KCNQ1: variants seen among roughly 807,000 people sequenced by gnomAD.
KCNQ1 encodes the protein potassium voltage-gated channel subfamily KQT member 1.
A neutral mutation model predicts 72.4 loss-of-function variants in KCNQ1; 49 were observed. The observed-to-expected ratio is 0.68, with a 90% CI of 0.54 to 0.86. KCNQ1 has a LOEUF of 0.86. Among genes scored for constraint, KCNQ1 ranks in the 40% least tolerant of loss-of-function variants. The probability of loss-of-function intolerance (pLI) is 0.00; values close to 1 mark genes in which losing one functional copy is unlikely to be tolerated. For missense variants in KCNQ1, 790 were observed against 945.1 expected (o/e 0.84, Z 2.15); for synonymous variants, 450 against 412.6 (o/e 1.09, Z -1.10).
At chr11:2,648,897 T>C in intron 10 of KCNQ1, 1 of 398,408 alleles carries the variant, frequency 2.5e-6, no homozygotes, top group Admixed American at 4.4e-5. Context: ...GTGTTGTTGG[T>C]TGCATATATA....
At chr11:2,619,753 T>C (rs1849133600) in intron 10 of KCNQ1, 1 of 398,350 alleles carries the variant, frequency 2.5e-6, no homozygotes, top group South Asian at 1.3e-4. Flanking sequence ...CTGCATTTTT[T>C]TGGAAGAGTT....
chr11:2,818,941 C>T lies in KCNQ1; in HGVS notation c.1795-28826C>T, dbSNP rs1847677814. 6.6e-6 allele frequency among the ~76,000 whole-genome samples: 1 copy of T among 152,126 alleles called. No individual in the cohort carries two copies. The highest frequency in any genetic ancestry group is 2.4e-5 in the African/African-American group (1 of 41,416). ...GGCAGGTGGCACAAGAGGTTCATCCCACCCTCCAGCATTACCCAGCCCCAC... is the reference window on the plus strand; with the variant it reads ...GGCAGGTGGCACAAGAGGTTCATCCTACCCTCCAGCATTACCCAGCCCCAC... On this transcript the variant is annotated intron_variant, in intron 15 of 15. Coordinates refer to ENST00000155840, the MANE Select transcript of KCNQ1 (RefSeq NM_000218.3). The surrounding 1 kb of genome is among the most constrained non-coding windows in gnomAD (Gnocchi z 7.2).
chr11:2,560,208 G>A (rs1190601154), intron 2 of KCNQ1, among the ~76,000 whole-genome samples: 6 of 102,632 alleles, frequency 5.8e-5, no homozygotes, highest in Non-Finnish European at 1.0e-4. Flanking sequence ...ATCCTGGGGG[G>A]ACGGAGGCGT....
At chr11:2,584,193 A>C (rs1848548917) in intron 7 of KCNQ1, among the ~76,000 whole-genome samples, 1 of 152,224 alleles carries the variant, frequency 6.6e-6, no homozygotes, top group Admixed American at 6.5e-5. Context: ...ACATGTATGC[A>C]TTATACATGT....
At chr11:2,675,494 C>T (rs937864355) in intron 11 of KCNQ1, 1 of 398,672 alleles carries the variant, frequency 2.5e-6, no homozygotes, top group African/African-American at 2.1e-5. Flanking sequence ...TTTCATGAGA[C>T]ATAGCAGTCA....
chr11:2,836,310 C>G (rs1238079687), intron 15 of KCNQ1, among the ~76,000 whole-genome samples: 1 of 152,156 alleles, frequency 6.6e-6, no homozygotes, highest in Non-Finnish European at 1.5e-5. Context: ...GAGCAGGAGC[C>G]CCCACACCCA....
rs1848259345 is a variant in KCNQ1 at position 2,567,074 on chromosome 11, C to G, written c.478-3554C>G. Among the ~76,000 whole-genome samples the G allele has an allele frequency of 1.3e-5, 2 of 151,756 alleles. No homozygotes were observed. On this transcript the variant is annotated intron_variant, in intron 2 of 15. Coordinates refer to ENST00000155840, the MANE Select transcript of KCNQ1 (RefSeq NM_000218.3). The surrounding 1 kb of genome is among the most constrained non-coding windows in gnomAD (Gnocchi z 6.6). Reference sequence around the variant, plus strand: ...GGGCACCTGGGGCCCACGGGAGGCTCTGGGGGAGACTGGGCGGTGAGCCCC... The same window carrying G: ...GGGCACCTGGGGCCCACGGGAGGCTGTGGGGGAGACTGGGCGGTGAGCCCC...
Position 2,620,880 on chromosome 11 carries a change from C to T in KCNQ1, c.1393+32026C>T, listed in dbSNP as rs886461193. 1 of 397,334 alleles carries T rather than the reference C, an allele frequency of 2.5e-6. No individual in the cohort carries two copies. The highest frequency in any genetic ancestry group is 2.1e-5 in the African/African-American group (1 of 48,370). 24.6% of individuals were successfully genotyped at this position (397,334 alleles called of 1,614,324 possible). ...ATTTTTTTGACTTTTTAATAATTGC[C>T]ATTCTGACTGGTGTGAGATGGCATC... is the stretch of plus-strand genomic sequence containing the variant. On this transcript the variant is annotated intron_variant, in intron 10 of 15. Transcript: ENST00000155840. This position sits in a 1 kb window ranked among gnomAD's most constrained non-coding sequence, Gnocchi z 4.5.
At position 2,446,080 on chromosome 11, in the gene KCNQ1, C is replaced by T. The variant is rs1041451305; in HGVS notation, c.386+596C>T. ...TGAAAACCTGGCTTGATGCAGAGAG[C>T]GGAGAGGCACGTTTGCAGCTCTCAC... On this transcript the variant is annotated intron_variant, in intron 1 of 15. Coordinates refer to ENST00000155840, the MANE Select transcript of KCNQ1 (RefSeq NM_000218.3). The surrounding 1 kb of genome is among the most constrained non-coding windows in gnomAD (Gnocchi z 8.8). Among the ~76,000 whole-genome samples the T allele has an allele frequency of 6.6e-6, 1 of 152,326 alleles. No homozygotes were observed. Among genetic ancestry groups the T allele is most frequent in the East Asian group, 1.9e-4 (1 of 5,172 alleles).
chr11:2,581,153 A>T (rs961355087), intron 6 of KCNQ1, among the ~76,000 whole-genome samples: 5 of 152,194 alleles, frequency 3.3e-5, no homozygotes, highest in Non-Finnish European at 7.4e-5. Context: ...GCTCAAGGCC[A>T]GGATAGGCCA....
Position 2,680,517 on chromosome 11 carries a change from G to C in KCNQ1, c.1514+18436G>C, listed in dbSNP as rs1262798491. On this transcript the variant is annotated intron_variant, in intron 11 of 15. Coordinates refer to ENST00000155840, the MANE Select transcript of KCNQ1 (RefSeq NM_000218.3). ...TTTTTAAAATAAATTTTTATTTTGA[G>C]ATAATTGTACATTTCTCATGCAGTT... 24 of 398,058 alleles carry C rather than the reference G, an allele frequency of 6.0e-5. No homozygotes were observed. In the East Asian group the frequency reaches 8.6e-4, roughly 14 times the overall value. The allele number at this position is 398,058 out of a possible 1,614,324, so 24.7% of individuals were successfully genotyped here.
At chr11:2,833,872 G>A (rs906087170) in intron 15 of KCNQ1, among the ~76,000 whole-genome samples, 3 of 152,216 alleles carry the variant, frequency 2.0e-5, no homozygotes, top group Admixed American at 6.5e-5. Context: ...GCGGCGGGGA[G>A]CGGGGCTTGC....
intron 2 of KCNQ1, among the ~76,000 whole-genome samples, chr11:2,548,647 C>T (rs1399098796): frequency 2.0e-5 from 3 of 152,210 alleles, no homozygotes; most frequent in Non-Finnish European, 4.4e-5. Context: ...TTCATAGGTG[C>T]GTGTGGGGCT....
intron 11 of KCNQ1, chr11:2,680,392 C>G: frequency 2.5e-6 from 1 of 398,402 alleles, no homozygotes; most frequent in Non-Finnish European, 4.4e-6. Context: ...TTGCAACATC[C>G]TTCCATATTT....
intron 6 of KCNQ1, among the ~76,000 whole-genome samples, chr11:2,581,352 G>T (rs918294867): frequency 6.6e-6 from 1 of 152,176 alleles, no homozygotes; most frequent in African/African-American, 2.4e-5. Context: ...CCGATGCCCC[G>T]CCCACTTTGC....
At chr11:2,619,250 T>C (rs1256779602) in intron 10 of KCNQ1, 2 of 398,464 alleles carry the variant, frequency 5.0e-6, no homozygotes, top group African/African-American at 4.1e-5. Context: ...CCTTGCCTTG[T>C]ACTGGTTCAT....
Position 2,651,223 on chromosome 11 carries a change from CACAGCACACACAG to C in KCNQ1, c.1394-10737_1394-10725del. ...CTGTCACCCTGTCTTGTGTCAGTCT[CACAGCACACACAG>C]CTTAATTCAGGAATTAAGCTGTGCT... is the stretch of plus-strand genomic sequence containing the variant. On this transcript the variant is annotated intron_variant, in intron 10 of 15. Coordinates refer to ENST00000155840, the MANE Select transcript of KCNQ1 (RefSeq NM_000218.3). This position sits in a 1 kb window ranked among gnomAD's most constrained non-coding sequence, Gnocchi z 6.1. 1 of 398,642 alleles carries C rather than the reference CACAGCACACACAG, an allele frequency of 2.5e-6. No individual in the cohort carries two copies. The highest frequency in any genetic ancestry group is 4.4e-6 in the Non-Finnish European group (1 of 226,084). 24.7% of individuals were successfully genotyped at this position (398,642 alleles called of 1,614,324 possible).
chr11:2,781,075 C>T lies in KCNQ1; in HGVS notation c.1794+3038C>T, dbSNP rs1846815067. 6.6e-6 allele frequency among the ~76,000 whole-genome samples: 1 copy of T among 152,132 alleles called. No individual in the cohort carries two copies. The highest frequency in any genetic ancestry group is 6.5e-5 in the Admixed American group (1 of 15,280). ...AGCGAGTCTACTTCCTGCGGGCCTC[C>T]CTCCCCTGTCAAATGAGAGGGTTTG... On this transcript the variant is annotated intron_variant, in intron 15 of 15. Coordinates refer to ENST00000155840, the MANE Select transcript of KCNQ1 (RefSeq NM_000218.3). This position sits in a 1 kb window ranked among gnomAD's most constrained non-coding sequence, Gnocchi z 6.6.
Position 2,653,873 on chromosome 11 carries a change from G to A in KCNQ1, c.1394-8088G>A. Reference sequence around the variant, plus strand: ...TACCTAAACACTGCACACTAGGAGTGGGAAAGGAAGAGCCCCCTAAGGAAG... The same window carrying A: ...TACCTAAACACTGCACACTAGGAGTAGGAAAGGAAGAGCCCCCTAAGGAAG... On this transcript the variant is annotated intron_variant, in intron 10 of 15. Coordinates refer to ENST00000155840, the MANE Select transcript of KCNQ1 (RefSeq NM_000218.3). This position sits in a 1 kb window ranked among gnomAD's most constrained non-coding sequence, Gnocchi z 5.3. The A allele has an allele frequency of 2.5e-6, 1 of 398,652 alleles. No individual in the cohort carries two copies. Among genetic ancestry groups the A allele is most frequent in the Non-Finnish European group, 4.4e-6 (1 of 226,090 alleles). The allele number at this position is 398,652 out of a possible 1,614,324, so 24.7% of individuals were successfully genotyped here. A position where few individuals can be genotyped will look rare whatever the true frequency, so the allele number is the denominator to read the frequency against.
Sources: gnomAD v4.1 joint callset for allele counts (sites outside exome capture counted in the v4.1 genomes callset) on GRCh38, gnomAD v4.1.1 for gene constraint, Gnocchi (gnomAD v3.1) non-coding constraint, MANE v1.5 for transcripts, NCBI Gene and HGNC (gene_info 2026-07-23, HGNC 2026-07-21) for gene names.